ESRRB: variants seen among roughly 807,000 people sequenced by gnomAD.
The protein encoded by ESRRB is steroid hormone receptor ERR2.
Under a neutral mutation model 46.0 loss-of-function variants are expected in ESRRB, and 16 were observed. The ratio of observed to expected loss-of-function variants is 0.35; its 90% CI spans 0.24 to 0.53. The LOEUF is 0.53. Among genes scored for constraint, ESRRB ranks in the 20% least tolerant of loss-of-function variants. ESRRB has a pLI of 0.93. For missense variants in ESRRB, 488 were observed against 607.4 expected (o/e 0.80, Z 2.07); for synonymous variants, 246 against 259.6 (o/e 0.95, Z 0.50).
chr14:76,342,534 T>A (rs1283637337), intron 1 of ESRRB, among the ~76,000 whole-genome samples: 1 of 152,156 alleles, frequency 6.6e-6, no homozygotes, highest in Admixed American at 6.5e-5. Flanking sequence ...GCTGTGGTCA[T>A]CTCCACTCGT....
intron 3 of ESRRB, among the ~76,000 whole-genome samples, chr14:76,463,966 G>C (rs1486954381): frequency 6.6e-6 from 1 of 152,122 alleles, no homozygotes; most frequent in African/African-American, 2.4e-5. Flanking sequence ...GCCTCCTAAA[G>C]TGCTGGGATT....
chr14:76,341,930 G>C (rs1884196123), intron 1 of ESRRB, among the ~76,000 whole-genome samples: 1 of 152,222 alleles, frequency 6.6e-6, no homozygotes, highest in African/African-American at 2.4e-5. Flanking sequence ...ATGGTGAGGA[G>C]TTGGAGGTGG....
intron 1 of ESRRB, among the ~76,000 whole-genome samples, chr14:76,314,251 G>C (rs1883771322): frequency 6.6e-6 from 1 of 152,166 alleles, no homozygotes; most frequent in Admixed American, 6.5e-5. Flanking sequence ...AGCAAAAATG[G>C]CAACTGTGGT....
At chr14:76,495,059 C>T (rs1385647632) in intron 6 of ESRRB, among the ~76,000 whole-genome samples, 1 of 149,992 alleles carries the variant, frequency 6.7e-6, no homozygotes, top group African/African-American at 2.4e-5. Context: ...CAAACACATG[C>T]ACATACATAC....
intron 6 of ESRRB, among the ~76,000 whole-genome samples, chr14:76,492,186 C>T (rs764691703): frequency 2.2e-4 from 33 of 152,334 alleles, no homozygotes; most frequent in African/African-American, 6.7e-4. Context: ...TTATTATAGA[C>T]GGGGTCTTGT....
chr14:76,325,665 C>A (rs1435535802), intron 1 of ESRRB, among the ~76,000 whole-genome samples: 1 of 152,110 alleles, frequency 6.6e-6, no homozygotes, highest in East Asian at 1.9e-4. Flanking sequence ...GGCTGCAGAC[C>A]TAGGCAATGG....
intron 1 of ESRRB, among the ~76,000 whole-genome samples, chr14:76,360,052 C>T (rs1232973332): frequency 1.3e-5 from 2 of 152,024 alleles, no homozygotes; most frequent in Non-Finnish European, 2.9e-5. Flanking sequence ...AGTCAGGTTG[C>T]CAGGGTCTAG....
upstream of ESRRB, among the ~76,000 whole-genome samples, chr14:76,374,147 A>G (rs925125433): frequency 1.3e-5 from 2 of 152,210 alleles, no homozygotes; most frequent in African/African-American, 4.8e-5. Flanking sequence ...CCATTCATTC[A>G]GCAAAATCTT....
intron 3 of ESRRB, among the ~76,000 whole-genome samples, chr14:76,464,120 C>T (rs1215461456): frequency 6.6e-6 from 1 of 152,214 alleles, no homozygotes; most frequent in Non-Finnish European, 1.5e-5. Context: ...TAGAGATCAA[C>T]TTTTAAGCTC....
chr14:76,417,190 G>T (rs972993352), intron 1 of ESRRB, among the ~76,000 whole-genome samples: 4 of 152,146 alleles, frequency 2.6e-5, no homozygotes, highest in South Asian at 2.1e-4. Flanking sequence ...AGGGGTCAGG[G>T]TGTCTTCCCT....
chr14:76,494,151 C>A (rs1890331886), intron 6 of ESRRB, among the ~76,000 whole-genome samples: 1 of 152,124 alleles, frequency 6.6e-6, no homozygotes. Context: ...TAGTTCAAAT[C>A]TTTTATTAAC....
intron 1 of ESRRB, among the ~76,000 whole-genome samples, chr14:76,337,915 A>G (rs1487955736): frequency 1.3e-5 from 2 of 152,180 alleles, no homozygotes; most frequent in Admixed American, 1.3e-4. Flanking sequence ...TGGGGCCTGT[A>G]GCTTCTGCTT....
At chr14:76,453,903 C>T (rs755124739) in intron 2 of ESRRB, among the ~76,000 whole-genome samples, 1 of 152,074 alleles carries the variant, frequency 6.6e-6, no homozygotes, top group African/African-American at 2.4e-5. Flanking sequence ...TGAGCCTAAT[C>T]GGTGGATTCT....
At chr14:76,449,323 G>T (rs1205967136) in intron 2 of ESRRB, among the ~76,000 whole-genome samples, 1 of 151,952 alleles carries the variant, frequency 6.6e-6, no homozygotes, top group Non-Finnish European at 1.5e-5. Flanking sequence ...AGGCCGAGGC[G>T]GGTGGATCAC....
chr14:76,342,168 T>C (rs1466329514), intron 1 of ESRRB, among the ~76,000 whole-genome samples: 1 of 152,202 alleles, frequency 6.6e-6, no homozygotes, highest in East Asian at 1.9e-4. Flanking sequence ...ACAGGCCCTA[T>C]TAGAGAATAA....
At chr14:76,476,796 A>G (rs1889602150) in intron 3 of ESRRB, among the ~76,000 whole-genome samples, 1 of 152,172 alleles carries the variant, frequency 6.6e-6, no homozygotes, top group Non-Finnish European at 1.5e-5. Flanking sequence ...CAGCCATGTC[A>G]TGGCTGCAAG....
intron 3 of ESRRB, among the ~76,000 whole-genome samples, chr14:76,477,788 A>C (rs909022248): frequency 6.6e-6 from 1 of 152,190 alleles, no homozygotes; most frequent in Non-Finnish European, 1.5e-5. Context: ...TATTGATTGG[A>C]GCCATTGACC....
At chr14:76,450,535 C>T (rs1888342992) in intron 2 of ESRRB, among the ~76,000 whole-genome samples, 1 of 152,166 alleles carries the variant, frequency 6.6e-6, no homozygotes, top group African/African-American at 2.4e-5. Flanking sequence ...TGAGCAATTC[C>T]TGGGTCTCTA....
At chr14:76,364,327 G>C (rs1884496860) in intron 1 of ESRRB, among the ~76,000 whole-genome samples, 1 of 152,128 alleles carries the variant, frequency 6.6e-6, no homozygotes, top group Non-Finnish European at 1.5e-5. Context: ...TGCTGAGGGG[G>C]CTTCTGGACA....
Sources: gnomAD v4.1 joint callset for allele counts (sites outside exome capture counted in the v4.1 genomes callset) on GRCh38, gnomAD v4.1.1 for gene constraint, MANE v1.5 for transcripts, NCBI Gene and HGNC (gene_info 2026-07-23, HGNC 2026-07-21) for gene names.